The following RPGR variants were observed in gnomAD, a reference collection of about 807,000 sequenced individuals.
The protein encoded by RPGR is X-linked retinitis pigmentosa GTPase regulator.
Under a neutral mutation model 56.3 loss-of-function variants are expected in RPGR, and 10 were observed. The ratio of observed to expected loss-of-function variants is 0.18; its 90% CI spans 0.11 to 0.30. The LOEUF (loss-of-function observed/expected upper bound fraction) is 0.30, where lower values mean the gene tolerates loss of function less well. Ranked by LOEUF, RPGR falls within the 10% of genes least tolerant of loss-of-function variation. The pLI, the probability that RPGR is intolerant of heterozygous loss-of-function variation, is 1.00. For synonymous variants in RPGR, 197 were observed against 212.9 expected (o/e 0.93, Z 0.65); for missense variants, 538 against 590.9 (o/e 0.91, Z 0.93).
chrX:38,271,167 A>G (rs2066835871), intron 18 of RPGR, among the ~76,000 whole-genome samples: 1 of 111,994 alleles, frequency 8.9e-6, no homozygotes, highest in Non-Finnish European at 1.9e-5. Context: ...TGCTAATAAT[A>G]ATAGCTTACT....
Position 38,310,763 on chromosome X carries a change from C to A in RPGR, c.630G>T (p.Glu210Asp). 2 of 1,210,215 alleles carry A rather than the reference C, an allele frequency of 1.7e-6. No individual in the cohort carries two copies. The highest frequency in any genetic ancestry group is 2.2e-6 in the Non-Finnish European group (2 of 894,494). Residue 210 changes from glutamate (E) to aspartate (D), a missense_variant, in exon 7 of 19, where the codon GAG becomes GAT. Transcript: ENST00000642395. ...TCTCAGGTTCTCCAAACACATATAG[C>A]TCACCATCTGCTATTGAAGGAAAAG... is the stretch of plus-strand genomic sequence containing the variant.
chrX:38,294,662 G>A (rs1325391900), intron 11 of RPGR, among the ~76,000 whole-genome samples: 4 of 111,888 alleles, frequency 3.6e-5, no homozygotes, highest in Admixed American at 1.9e-4. Context: ...TTCCTCAAAC[G>A]TGTTCTTAGT....
intron 3 of RPGR, among the ~76,000 whole-genome samples, chrX:38,321,342 G>A (rs1159499481): frequency 9.0e-6 from 1 of 111,223 alleles, no homozygotes; most frequent in Non-Finnish European, 1.9e-5. Context: ...CTGAAGCAGC[G>A]GCTAGGCATT....
intron 15 of RPGR, among the ~76,000 whole-genome samples, chrX:38,279,965 A>G (rs2067001111): frequency 9.0e-6 from 1 of 110,793 alleles, no homozygotes; most frequent in Non-Finnish European, 1.9e-5. Context: ...AACTACACTG[A>G]AAATCATGGA....
chrX:38,296,845 A>C (rs1045262324), intron 11 of RPGR, among the ~76,000 whole-genome samples: 1 of 112,019 alleles, frequency 8.9e-6, no homozygotes, highest in African/African-American at 3.2e-5. Context: ...ATACTGCCTA[A>C]ATACAGAATT....
At position 38,287,925 on chromosome X, in the gene RPGR, C is replaced by A. The variant is rs183675735; in HGVS notation, c.1689G>T (p.Val563=). Residue 563 remains valine (V), a synonymous_variant, in exon 14 of 19, where the codon GTG becomes GTT. Transcript: ENST00000642395. ...GCTGCGTCATGAAAATCCCTTGTGA[C>A]ACATGTTGTTTACATGCTTTCCCTT... 8.3e-7 allele frequency: 1 copy of A among 1,209,420 alleles called. No homozygotes were observed. Among genetic ancestry groups the A allele is most frequent in the Non-Finnish European group, 1.1e-6 (1 of 894,844 alleles).
chrX:38,301,914 G>T (rs1366001984), intron 8 of RPGR, among the ~76,000 whole-genome samples: 2 of 111,337 alleles, frequency 1.8e-5, no homozygotes, highest in Admixed American at 9.6e-5. Flanking sequence ...CTGCAGTCAT[G>T]ACCATTAAAA....
intron 15 of RPGR, chrX:38,286,699 T>A: frequency 8.7e-7 from 1 of 1,147,514 alleles, no homozygotes; most frequent in Admixed American, 2.7e-5. Flanking sequence ...CTTTTCACGT[T>A]CTCCCTCCAC....
chrX:38,291,998 C>T (rs751512536), intron 11 of RPGR, among the ~76,000 whole-genome samples: 1 of 111,616 alleles, frequency 9.0e-6, no homozygotes, highest in Non-Finnish European at 1.9e-5. Flanking sequence ...CCCCTCCACC[C>T]CCAGCTACAC....
intron 3 of RPGR, among the ~76,000 whole-genome samples, chrX:38,321,843 C>A (rs1484408511): frequency 9.0e-6 from 1 of 111,330 alleles, no homozygotes; most frequent in Non-Finnish European, 1.9e-5. Context: ...ACCTATCAGT[C>A]AAAGTTGTTC....
rs149675692 is a variant in RPGR, at chrX:38,282,186, A to G, written c.1905+4908T>C. The stretch of plus-strand genomic sequence containing the variant: ...TTCCTCTGCAGAGCAGATTTCCCGG[A>G]GCTCATTCTTTCCTGGCAATGTGGG... On this transcript the variant is annotated intron_variant, in intron 15 of 18. Coordinates refer to ENST00000642395, the MANE Select transcript of RPGR (RefSeq NM_000328.3). Among the ~76,000 whole-genome samples the G allele has an allele frequency of 6.0e-3, 669 of 111,158 alleles. 4 individuals carry two copies. The highest frequency in any genetic ancestry group is 0.021 in the African/African-American group (632 of 30,593).
chrX:38,313,507 C>T (rs919917193), intron 6 of RPGR, among the ~76,000 whole-genome samples: 1 of 112,142 alleles, frequency 8.9e-6, no homozygotes, highest in African/African-American at 3.2e-5. Flanking sequence ...TTCAAAGGCA[C>T]ATAGAACACA....
chrX:38,271,969 A>T (rs1021270969), intron 18 of RPGR, among the ~76,000 whole-genome samples: 12 of 112,352 alleles, frequency 1.1e-4, no homozygotes, highest in Non-Finnish European at 2.3e-4. Flanking sequence ...AAAAAGAACA[A>T]AAATACAACT....
chrX:38,326,900 A>C (rs1332881097), intron 1 of RPGR: 1 of 118,708 alleles, frequency 8.4e-6, no homozygotes, highest in South Asian at 2.9e-4. Flanking sequence ...CTCTACTAAA[A>C]ATATAAAATT....
At chrX:38,294,050 T>A (rs189735544) in intron 11 of RPGR, among the ~76,000 whole-genome samples, 54 of 111,756 alleles carry the variant, frequency 4.8e-4, no homozygotes, top group Admixed American at 9.6e-4. Flanking sequence ...TCCCCATTCA[T>A]AACTCAACTC....
intron 18 of RPGR, among the ~76,000 whole-genome samples, chrX:38,270,658 G>A (rs996147402): frequency 9.4e-6 from 1 of 106,654 alleles, no homozygotes. Context: ...GCTGCCAAAT[G>A]ATGGCTGTGT....
chrX:38,281,149 T>C (rs911255340), intron 15 of RPGR, among the ~76,000 whole-genome samples: 18 of 112,817 alleles, frequency 1.6e-4, no homozygotes, highest in African/African-American at 5.2e-4. Flanking sequence ...AGCATTTTTA[T>C]TCTCATTTTC....
chrX:38,327,059 T>TAA (rs1232638719), intron 1 of RPGR: 350 of 261,137 alleles, frequency 1.3e-3, no homozygotes, highest in Middle Eastern at 2.0e-3. Context: ...CTCCGTCTCA[T>TAA]AAAAAAAAAA....
At chrX:38,285,891 T>G (rs753917900) in intron 15 of RPGR, 1 of 1,165,362 alleles carries the variant, frequency 8.6e-7, no homozygotes, top group Non-Finnish European at 1.1e-6. Flanking sequence ...CTCCTTCCTC[T>G]TCCTCTCCTT....
Sources: gnomAD v4.1 joint callset for allele counts (sites outside exome capture counted in the v4.1 genomes callset) on GRCh38, gnomAD v4.1.1 for gene constraint, MANE v1.5 for transcripts, NCBI Gene and HGNC (gene_info 2026-07-23, HGNC 2026-07-21) for gene names.